PCDH7: variants seen among roughly 807,000 people sequenced by gnomAD.
The protein encoded by PCDH7 is protocadherin 7.
PCDH7 carries 17 observed loss-of-function variants against 58.9 expected under a neutral mutation model. The ratio of observed to expected loss-of-function variants is 0.29; its 90% CI spans 0.20 to 0.43. The LOEUF (loss-of-function observed/expected upper bound fraction) is 0.43. Ranked by LOEUF, PCDH7 falls within the 20% of genes least tolerant of loss-of-function variation. The pLI is 1.00. For missense variants in PCDH7, 1,274 were observed against 1,441.0 expected (o/e 0.88, Z 1.88); for synonymous variants, 664 against 616.4 (o/e 1.08, Z -1.14).
chr4:30,727,300 TC>T (rs1288001578), intron 1 of PCDH7, among the ~76,000 whole-genome samples: 1 of 151,964 alleles, frequency 6.6e-6, no homozygotes, highest in Admixed American at 6.6e-5. Flanking sequence ...TGAACCTAAG[TC>T]CTGTTGTTTT....
intron 1 of PCDH7, among the ~76,000 whole-genome samples, chr4:30,904,917 A>T (rs1157487713): frequency 6.6e-6 from 1 of 152,208 alleles, no homozygotes; most frequent in Non-Finnish European, 1.5e-5. Context: ...CCTGTGAGAC[A>T]TTTTAATTCA....
chr4:30,810,926 A>G (rs2109313439), intron 1 of PCDH7, among the ~76,000 whole-genome samples: 1 of 152,250 alleles, frequency 6.6e-6, no homozygotes, highest in East Asian at 1.9e-4. Flanking sequence ...TCATTTTCTA[A>G]TTCCTTTTCT....
chr4:31,007,244 T>G (rs186279594), intron 3 of PCDH7, among the ~76,000 whole-genome samples: 1 of 151,876 alleles, frequency 6.6e-6, no homozygotes, highest in Non-Finnish European at 1.5e-5. Context: ...AAATACTCAC[T>G]TGCATTTGTT....
chr4:31,105,727 G>C (rs1298579567), intron 3 of PCDH7, among the ~76,000 whole-genome samples: 2 of 152,034 alleles, frequency 1.3e-5, no homozygotes, highest in African/African-American at 4.8e-5. Flanking sequence ...AGTATTTTTG[G>C]CCAGGCGCAG....
intron 3 of PCDH7, among the ~76,000 whole-genome samples, chr4:31,083,590 A>T (rs1365871241): frequency 6.6e-6 from 1 of 152,232 alleles, no homozygotes; most frequent in African/African-American, 2.4e-5. Context: ...TTAAAGGATT[A>T]CGTTCTTAAT....
intron 3 of PCDH7, among the ~76,000 whole-genome samples, chr4:30,975,196 G>A (rs1282341398): frequency 7.4e-6 from 1 of 134,434 alleles, no homozygotes; most frequent in Non-Finnish European, 1.7e-5. Context: ...TGTATTTGTG[G>A]TGAATCTCCT....
At chr4:30,750,445 G>C (rs922364359) in intron 1 of PCDH7, among the ~76,000 whole-genome samples, 1 of 152,072 alleles carries the variant, frequency 6.6e-6, no homozygotes, top group African/African-American at 2.4e-5. Flanking sequence ...GTGTATATGA[G>C]TCTAGATACC....
Position 30,776,615 on chromosome 4 carries a change from A to T in PCDH7, c.70+52019A>T, listed in dbSNP as rs1274331572. Among the ~76,000 whole-genome samples the T allele has an allele frequency of 3.9e-5, 6 of 152,318 alleles. No homozygotes were observed. The East Asian group carries it at 1.2e-3, about 29-fold the overall frequency. ...ACTCACTGAGGAACATTCCTTCCTG[A>T]GACCGTTTCTTCAGAGACAACCAAT... On this transcript the variant is annotated intron_variant, in intron 1 of 3. Transcript: ENST00000509759.
At chr4:31,125,059 C>T (rs16884379) in intron 3 of PCDH7, among the ~76,000 whole-genome samples, 64 of 152,136 alleles carry the variant, frequency 4.2e-4, no homozygotes, top group African/African-American at 1.5e-3. Context: ...AGACCTATCC[C>T]GTGAAGATAA....
intron 1 of PCDH7, among the ~76,000 whole-genome samples, chr4:30,803,506 T>C (rs1725799505): frequency 1.3e-5 from 2 of 152,126 alleles, no homozygotes; most frequent in African/African-American, 4.8e-5. Flanking sequence ...GGCATCATTA[T>C]GGCTCACTGC....
chr4:30,859,696 C>T (rs1435912086), intron 1 of PCDH7, among the ~76,000 whole-genome samples: 1 of 151,944 alleles, frequency 6.6e-6, no homozygotes, highest in African/African-American at 2.4e-5. Flanking sequence ...AGCCTCGACC[C>T]CGCAAAGTGC....
chr4:30,883,758 A>G (rs564918170), intron 1 of PCDH7, among the ~76,000 whole-genome samples: 1 of 152,296 alleles, frequency 6.6e-6, no homozygotes, highest in South Asian at 2.1e-4. Flanking sequence ...CACTGATGTA[A>G]TGGAAAAGTA....
chr4:30,993,998 A>T (rs1397047481), intron 3 of PCDH7, among the ~76,000 whole-genome samples: 1 of 152,204 alleles, frequency 6.6e-6, no homozygotes, highest in East Asian at 1.9e-4. Context: ...TAACATGGGC[A>T]GTGAAAAAGA....
chr4:30,996,836 T>C (rs1751941450), intron 3 of PCDH7, among the ~76,000 whole-genome samples: 3 of 152,214 alleles, frequency 2.0e-5, no homozygotes, highest in Admixed American at 2.0e-4. Context: ...CAAATACTTT[T>C]TCAAAGCTAA....
At chr4:30,758,460 G>T (rs527944830) in intron 1 of PCDH7, among the ~76,000 whole-genome samples, 2 of 152,208 alleles carry the variant, frequency 1.3e-5, no homozygotes, top group Non-Finnish European at 2.9e-5. Context: ...TTATCTTACA[G>T]TTCCAGTATG....
At chr4:31,143,034 T>C (rs1030225834), downstream of PCDH7, 6 of 318,704 alleles carry the variant, frequency 1.9e-5, no homozygotes, top group Non-Finnish European at 3.0e-5. Flanking sequence ...CTGTACAATG[T>C]AGAAACCATC....
chr4:30,971,322 G>A (rs745310976), intron 3 of PCDH7, among the ~76,000 whole-genome samples: 1 of 152,082 alleles, frequency 6.6e-6, no homozygotes, highest in African/African-American at 2.4e-5. Flanking sequence ...TGAAACCAAG[G>A]CTCCAATTAC....
chr4:30,843,916 A>C (rs768922050), intron 1 of PCDH7, among the ~76,000 whole-genome samples: 3 of 152,050 alleles, frequency 2.0e-5, no homozygotes, highest in African/African-American at 7.2e-5. Context: ...TTTCACTGGT[A>C]AAAAAATAAA....
intron 3 of PCDH7, among the ~76,000 whole-genome samples, chr4:31,037,268 G>A (rs760477758): frequency 6.6e-6 from 1 of 152,130 alleles, no homozygotes; most frequent in Non-Finnish European, 1.5e-5. Context: ...TTGTTCATCT[G>A]TATGTTGGGA....
Sources: allele counts gnomAD v4.1 joint callset (sites outside exome capture counted in the v4.1 genomes callset), GRCh38; gene constraint gnomAD v4.1.1; transcripts MANE v1.5; gene names NCBI Gene and HGNC (gene_info 2026-07-23, HGNC 2026-07-21).